ZFYVE9: variants seen among roughly 807,000 people sequenced by gnomAD.
ZFYVE9 encodes the protein zinc finger FYVE domain-containing protein 9.
A neutral mutation model predicts 126.7 loss-of-function variants in ZFYVE9; 43 were observed. The observed-to-expected ratio is 0.34, with a 90% CI of 0.27 to 0.44. The LOEUF (loss-of-function observed/expected upper bound fraction) is 0.44. ZFYVE9 is among the 20% of genes least tolerant of loss of function. ZFYVE9 has a pLI of 1.00. For synonymous variants in ZFYVE9, 521 were observed against 597.4 expected (o/e 0.87, Z 1.87); for missense variants, 1,476 against 1,697.0 (o/e 0.87, Z 2.29).
intron 2 of ZFYVE9, among the ~76,000 whole-genome samples, chr1:52,225,613 T>A (rs1402031796): frequency 6.6e-6 from 1 of 152,050 alleles, no homozygotes; most frequent in African/African-American, 2.4e-5. Flanking sequence ...CTTTTCCAAA[T>A]AGGGTAAAAG....
intron 1 of ZFYVE9, among the ~76,000 whole-genome samples, chr1:52,206,646 G>C (rs1218772416): frequency 6.6e-6 from 1 of 152,104 alleles, no homozygotes; most frequent in Non-Finnish European, 1.5e-5. Flanking sequence ...CACCTCCCAG[G>C]TTCAAGCATT....
intron 17 of ZFYVE9, among the ~76,000 whole-genome samples, chr1:52,343,944 T>C (rs1412597964): frequency 6.6e-6 from 1 of 151,836 alleles, no homozygotes; most frequent in Non-Finnish European, 1.5e-5. Flanking sequence ...TGGCGGCACA[T>C]GCCTGTAATC....
intron 7 of ZFYVE9, among the ~76,000 whole-genome samples, chr1:52,268,994 C>T (rs1163508200): frequency 6.6e-6 from 1 of 152,102 alleles, no homozygotes; most frequent in Admixed American, 6.5e-5. Context: ...GAGCAGGTAA[C>T]ATGAAAGGGC....
chr1:52,179,770 C>G (rs1644679962), intron 1 of ZFYVE9: 1 of 450,846 alleles, frequency 2.2e-6, no homozygotes, highest in East Asian at 4.6e-5. Context: ...AAAGAGTGTT[C>G]CTGTGGATAG....
intron 1 of ZFYVE9, among the ~76,000 whole-genome samples, chr1:52,176,215 G>C (rs1644626759): frequency 6.6e-6 from 1 of 152,220 alleles, no homozygotes; most frequent in Admixed American, 6.5e-5. Flanking sequence ...CCTTCTAACA[G>C]ATAGGACCCT....
intron 4 of ZFYVE9, among the ~76,000 whole-genome samples, chr1:52,261,125 A>G (rs1645575569): frequency 6.6e-6 from 1 of 151,906 alleles, no homozygotes; most frequent in African/African-American, 2.4e-5. Flanking sequence ...GACCTTGCCA[A>G]TCTAGGCTAG....
intron 1 of ZFYVE9, among the ~76,000 whole-genome samples, chr1:52,207,016 G>A (rs1002165643): frequency 2.0e-5 from 3 of 152,154 alleles, no homozygotes; most frequent in East Asian, 1.9e-4. Flanking sequence ...AGGGCAATCC[G>A]GTGTACTCAG....
At chr1:52,296,813 G>A (rs879139214) in intron 12 of ZFYVE9, among the ~76,000 whole-genome samples, 1 of 151,490 alleles carries the variant, frequency 6.6e-6, no homozygotes, top group Admixed American at 6.6e-5. Context: ...TCATTTTTTT[G>A]TTTGTTTTGT....
intron 2 of ZFYVE9, among the ~76,000 whole-genome samples, chr1:52,219,786 TGTGTGTGTGTGTGTGTGG>T (rs1229699548): frequency 1.3e-5 from 2 of 150,244 alleles, no homozygotes; most frequent in Non-Finnish European, 3.0e-5. Flanking sequence ...TGTGTGTGTG[TGTGTGTGTGTGTGTGTGG>T]CAGAGTCTTA....
At chr1:52,157,404 T>TTTTC (rs1644413466) in intron 1 of ZFYVE9, among the ~76,000 whole-genome samples, 1 of 119,718 alleles carries the variant, frequency 8.4e-6, no homozygotes, top group Non-Finnish European at 1.8e-5. Context: ...CTTTTTTTTT[T>TTTTC]TTTTTTTTTT....
At chr1:52,175,985 T>C (rs1644623747) in intron 1 of ZFYVE9, among the ~76,000 whole-genome samples, 2 of 152,244 alleles carry the variant, frequency 1.3e-5, no homozygotes, top group African/African-American at 4.8e-5. Context: ...TGAAGCCTTC[T>C]TCTCTCAGCT....
chr1:52,281,518 G>A, intron 9 of ZFYVE9, 143 bp from the exon 10 acceptor site: 2 of 922,368 alleles, frequency 2.2e-6, no homozygotes, highest in Non-Finnish European at 3.1e-6. Context: ...TCAATGCAGT[G>A]ACAGTTCACA....
At chr1:52,173,701 A>G (rs1236427488) in intron 1 of ZFYVE9, among the ~76,000 whole-genome samples, 1 of 152,066 alleles carries the variant, frequency 6.6e-6, no homozygotes, top group Non-Finnish European at 1.5e-5. Context: ...GTCTATTCAG[A>G]GATTCAACTT....
intron 2 of ZFYVE9, among the ~76,000 whole-genome samples, chr1:52,222,461 G>C (rs970375502): frequency 6.6e-6 from 1 of 152,174 alleles, no homozygotes; most frequent in Admixed American, 6.5e-5. Context: ...ACTGACAATG[G>C]TGTAAGGATT....
rs936764323 is a variant in ZFYVE9 at position 52,334,833 on chromosome 1, TAC to T, written c.3670+68_3670+69del. On this transcript the variant is annotated intron_variant, in intron 15 of 18. Coordinates refer to ENST00000287727, the MANE Select transcript of ZFYVE9 (RefSeq NM_004799.4). ...ACTTATGTACATAAAGGGAATCCTT[TAC>T]ACTTCTGCTGTAGATGTCTGACTCC... The T allele has an allele frequency of 1.1e-5, 16 of 1,503,086 alleles. No homozygotes were observed. In the African/African-American group the frequency reaches 2.1e-4, roughly 19 times the overall value. 93.1% of individuals were successfully genotyped at this position (1,503,086 alleles called of 1,614,324 possible).
chr1:52,210,784 A>T (rs1426026469), intron 1 of ZFYVE9, among the ~76,000 whole-genome samples: 1 of 152,128 alleles, frequency 6.6e-6, no homozygotes, highest in African/African-American at 2.4e-5. Flanking sequence ...CCTCCCGAGT[A>T]GCTGGGACTA....
intron 3 of ZFYVE9, among the ~76,000 whole-genome samples, chr1:52,236,205 C>G (rs1645272068): frequency 6.6e-6 from 1 of 152,104 alleles, no homozygotes; most frequent in South Asian, 2.1e-4. Context: ...CTCAATCCTG[C>G]TGCTTTTACT....
Position 52,272,786 on chromosome 1 carries a change from C to T in ZFYVE9, c.2626-1678C>T, listed in dbSNP as rs570080326. The stretch of plus-strand genomic sequence containing the variant: ...CCAGGTTCAAGCAATTCTCCTGCCT[C>T]GGCCTCCCAAGTGGCTGGGATTACA... On this transcript the variant is annotated intron_variant, in intron 7 of 18. Transcript: ENST00000287727. Among the ~76,000 whole-genome samples the T allele has an allele frequency of 5.2e-4, 79 of 151,006 alleles. 1 individual carries two copies. The highest frequency in any genetic ancestry group is 1.7e-3 in the African/African-American group (68 of 40,986).
At chr1:52,322,911 TCTC>T (rs1295904578) in intron 13 of ZFYVE9, among the ~76,000 whole-genome samples, 1 of 152,100 alleles carries the variant, frequency 6.6e-6, no homozygotes, top group African/African-American at 2.4e-5. Flanking sequence ...TTCACGCCAT[TCTC>T]CTGCCTCAGC....
Sources: gnomAD v4.1 joint callset for allele counts (sites outside exome capture counted in the v4.1 genomes callset) on GRCh38, gnomAD v4.1.1 for gene constraint, MANE v1.5 for transcripts, NCBI Gene and HGNC (gene_info 2026-07-23, HGNC 2026-07-21) for gene names.